Variants in PARN observed in about 807,000 individuals in gnomAD.
PARN encodes the protein poly(A)-specific ribonuclease PARN.
PARN carries 71 observed loss-of-function variants against 102.8 expected under a neutral mutation model. That is an observed-to-expected ratio of 0.69 (90% CI 0.57 to 0.84). The LOEUF is 0.84. PARN is among the 40% of genes least tolerant of loss of function. The pLI, the probability that PARN is intolerant of heterozygous loss-of-function variation, is 0.00. For synonymous variants in PARN, 261 were observed against 252.9 expected, an observed-to-expected ratio of 1.03 and a Z score of -0.30; for missense variants, 782 against 760.9, an observed-to-expected ratio of 1.03 and a Z score of -0.33.
intron 18 of PARN, 126 bp downstream of exon 18, chr16:14,580,748 C>T (rs1969481809): frequency 1.8e-6 from 1 of 558,604 alleles, no homozygotes; most frequent in South Asian, 3.1e-5. Flanking sequence ...ATGTGAGTCA[C>T]TCGAGATGAA....
chr16:14,445,230 T>A (rs939009979), intron 23 of PARN, among the ~76,000 whole-genome samples: 3 of 152,120 alleles, frequency 2.0e-5, no homozygotes. Flanking sequence ...AAACACAAGT[T>A]TAAGTTTTCT....
At chr16:14,589,425 C>T (rs981485455) in intron 13 of PARN, among the ~76,000 whole-genome samples, 26 of 151,830 alleles carry the variant, frequency 1.7e-4, no homozygotes, top group African/African-American at 5.8e-4. Context: ...ATTAGTGAGG[C>T]ATGGTGGCAT....
At chr16:14,527,774 T>TC (rs1393548659) in intron 21 of PARN, among the ~76,000 whole-genome samples, 3 of 152,180 alleles carry the variant, frequency 2.0e-5, no homozygotes, top group Non-Finnish European at 2.9e-5. Flanking sequence ...TGGGTATCCC[T>TC]CTAACACTAT....
chr16:14,505,091 T>A (rs1964818674), intron 21 of PARN, among the ~76,000 whole-genome samples: 1 of 152,228 alleles, frequency 6.6e-6, no homozygotes, highest in African/African-American at 2.4e-5. Context: ...ATGCCAAATT[T>A]CAGATAAATT....
chr16:14,512,630 T>C (rs959211347), intron 21 of PARN, among the ~76,000 whole-genome samples: 1 of 152,172 alleles, frequency 6.6e-6, no homozygotes, highest in African/African-American at 2.4e-5. Flanking sequence ...TACTTCAGCT[T>C]CGTTTTACTC....
At chr16:14,469,064 G>A (rs1175235025) in intron 22 of PARN, among the ~76,000 whole-genome samples, 1 of 152,132 alleles carries the variant, frequency 6.6e-6, no homozygotes, top group Admixed American at 6.5e-5. Flanking sequence ...TTGGGAGGTC[G>A]AGGTGGGTGG....
chr16:14,577,768 A>G (rs1006338528), intron 18 of PARN, among the ~76,000 whole-genome samples: 2 of 152,074 alleles, frequency 1.3e-5, no homozygotes, highest in Admixed American at 6.5e-5. Context: ...CCTGGGTTCA[A>G]GCAATTCTCC....
At chr16:14,489,291 A>C (rs998109716) in intron 21 of PARN, among the ~76,000 whole-genome samples, 3 of 152,114 alleles carry the variant, frequency 2.0e-5, no homozygotes, top group East Asian at 3.8e-4. Context: ...TGTGCATTAC[A>C]TTTTAAACAA....
chr16:14,606,446 T>G, intron 10 of PARN, 38 bp downstream of exon 10: 2 of 1,181,472 alleles, frequency 1.7e-6, no homozygotes, highest in South Asian at 1.4e-5. Flanking sequence ...TAACAATGGA[T>G]GTGTTTAATG....
intron 19 of PARN, among the ~76,000 whole-genome samples, chr16:14,554,850 ACT>A (rs1171643496): frequency 2.6e-5 from 4 of 152,174 alleles, no homozygotes; most frequent in African/African-American, 9.6e-5. Flanking sequence ...AAAAAAAAGC[ACT>A]GTCCAAATTA....
chr16:14,580,912 C>T lies in PARN; in HGVS notation c.1224G>A (p.Val408=), dbSNP rs1271158259. The change falls in exon 18 of 24, where the codon GTG becomes GTA. Residue 408 remains valine, a synonymous_variant. Transcript: ENST00000437198. ...GTTCAATGAGTTTTGATCTGGCAGA[C>T]ACATGAATTTTTGGAGGGCTGAGAA... The part of the protein sequence containing the change: ...GSFLSPPKIH[V]SARSKLIEPF... 1 of 1,609,890 alleles carries T rather than the reference C, an allele frequency of 6.2e-7. No individual in the cohort carries two copies. The highest frequency in any genetic ancestry group is 8.5e-7 in the Non-Finnish European group (1 of 1,176,438).
chr16:14,530,858 T>C (rs563050955), intron 21 of PARN, among the ~76,000 whole-genome samples: 1 of 152,332 alleles, frequency 6.6e-6, no homozygotes, highest in East Asian at 1.9e-4. Context: ...GACTAAGATG[T>C]AGCCCCCATG....
chr16:14,466,278 A>T (rs1269974827), intron 22 of PARN, among the ~76,000 whole-genome samples: 2 of 152,228 alleles, frequency 1.3e-5, no homozygotes, highest in Non-Finnish European at 2.9e-5. Flanking sequence ...TTTTTATTAT[A>T]AACTTTTTTT....
At chr16:14,562,768 A>G (rs569210780) in intron 18 of PARN, among the ~76,000 whole-genome samples, 1 of 152,340 alleles carries the variant, frequency 6.6e-6, no homozygotes, top group African/African-American at 2.4e-5. Context: ...ACTAAAGATT[A>G]GCAAACACTT....
intron 18 of PARN, among the ~76,000 whole-genome samples, chr16:14,576,979 T>C (rs1250571570): frequency 6.6e-6 from 1 of 152,196 alleles, no homozygotes; most frequent in Non-Finnish European, 1.5e-5. Context: ...CTTCCCAAAA[T>C]GGCATAACTG....
At chr16:14,500,193 C>A (rs1964511324) in intron 21 of PARN, among the ~76,000 whole-genome samples, 2 of 152,030 alleles carry the variant, frequency 1.3e-5, no homozygotes, top group Non-Finnish European at 1.5e-5. Flanking sequence ...GGAACTGGGA[C>A]TACAGGAGCT....
chr16:14,544,954 A>C (rs1038077355), intron 21 of PARN, among the ~76,000 whole-genome samples: 12 of 152,178 alleles, frequency 7.9e-5, no homozygotes, highest in African/African-American at 2.9e-4. Context: ...TGGGAGGCTG[A>C]GGTGGGAGGA....
chr16:14,512,479 T>A (rs1309206651), intron 21 of PARN, among the ~76,000 whole-genome samples: 2 of 151,932 alleles, frequency 1.3e-5, no homozygotes, highest in African/African-American at 2.4e-5. Flanking sequence ...GGCAACAGAG[T>A]GAGACTCTCT....
At position 14,613,768 on chromosome 16, in the gene PARN, C is replaced by T. The variant is rs529085621; in HGVS notation, c.389-2959G>A. Among the ~76,000 whole-genome samples the T allele has an allele frequency of 1.8e-4, 28 of 152,166 alleles. 1 individual carries two copies. The highest frequency in any genetic ancestry group is 6.5e-4 in the African/African-American group (27 of 41,448). ...ACTAACTGGCAAAAAAAGTGGTCCA[C>T]GTTAACATCACCAGTATTGGGACAA... On this transcript the variant is annotated intron_variant, in intron 6 of 23. Transcript: ENST00000437198.
Sources: allele counts gnomAD v4.1 joint callset (sites outside exome capture counted in the v4.1 genomes callset), GRCh38; gene constraint gnomAD v4.1.1; transcripts MANE v1.5; gene names NCBI Gene and HGNC (gene_info 2026-07-23, HGNC 2026-07-21).